Variants in IPCEF1 observed in about 807,000 individuals in gnomAD.
IPCEF1 encodes the protein interaction protein for cytohesin exchange factors 1, also known as interactor protein for cytohesin exchange factors 1.
IPCEF1 carries 31 observed loss-of-function variants against 50.9 expected under a neutral mutation model. That is an observed-to-expected ratio of 0.61 (90% CI 0.46 to 0.82). The LOEUF (loss-of-function observed/expected upper bound fraction) is 0.82. Among genes scored for constraint, IPCEF1 ranks in the 40% least tolerant of loss-of-function variants. The pLI is 0.00. For missense variants in IPCEF1, 458 were observed against 514.0 expected, an observed-to-expected ratio of 0.89 and a Z score of 1.05; for synonymous variants, 181 against 192.0, an observed-to-expected ratio of 0.94 and a Z score of 0.47.
At chr6:154,264,475 T>C (rs937497406) in intron 3 of IPCEF1, among the ~76,000 whole-genome samples, 1 of 152,088 alleles carries the variant, frequency 6.6e-6, no homozygotes, top group Non-Finnish European at 1.5e-5. Context: ...CAGATTCAAG[T>C]GATCCTTTCG....
At chr6:154,287,600 G>A (rs921243654) in intron 2 of IPCEF1, among the ~76,000 whole-genome samples, 1 of 152,140 alleles carries the variant, frequency 6.6e-6, no homozygotes, top group African/African-American at 2.4e-5. Context: ...CCAGCCCTCT[G>A]AGCTCAGAGC....
chr6:154,331,247 G>A (rs9384204), intron 1 of IPCEF1, among the ~76,000 whole-genome samples: 45,958 of 151,198 alleles, frequency 0.3, 8,073 homozygotes, highest in East Asian at 0.64. Flanking sequence ...CAGCTGGGGC[G>A]ATAGAGTGAG....
intron 1 of IPCEF1, among the ~76,000 whole-genome samples, chr6:154,293,647 A>T (rs1420992709): frequency 6.6e-6 from 1 of 152,222 alleles, no homozygotes; most frequent in East Asian, 1.9e-4. Flanking sequence ...CCCGGAGAAA[A>T]AAATGAACTA....
chr6:154,182,026 C>A (rs1211788113), intron 10 of IPCEF1, among the ~76,000 whole-genome samples: 1 of 152,014 alleles, frequency 6.6e-6, no homozygotes, highest in Non-Finnish European at 1.5e-5. Flanking sequence ...CACATCTGCG[C>A]ATGTATCCCA....
intron 1 of IPCEF1, among the ~76,000 whole-genome samples, chr6:154,354,728 A>C (rs190671601): frequency 2.3e-3 from 349 of 152,128 alleles, no homozygotes; most frequent in South Asian, 4.4e-3. Flanking sequence ...CCCGTTCTAC[A>C]CACCCTTTCT....
In IPCEF1 at chr6:154,199,738, A is replaced by G. The variant is rs1776917474; in HGVS notation, c.840T>C (p.Ser280=). Residue 280 remains serine (S), a synonymous_variant, in exon 10 of 12, where the codon TCT becomes TCC. Coordinates refer to ENST00000367220, the MANE Select transcript of IPCEF1 (RefSeq NM_001130700.2). ...FLNSLSSDDT[S]SLSSNHDHLT... ...GATGGTCATGATTGCTACTCAATGA[A>G]GAAGTATCATCACTAGATAAAGAGT... The G allele has an allele frequency of 6.2e-7, 1 of 1,614,076 alleles. No homozygotes were observed. Among genetic ancestry groups the G allele is most frequent in the Non-Finnish European group, 8.5e-7 (1 of 1,179,992 alleles).
chr6:154,226,733 G>T (rs1404899345), intron 5 of IPCEF1, among the ~76,000 whole-genome samples: 9 of 152,096 alleles, frequency 5.9e-5, no homozygotes, highest in African/African-American at 1.9e-4. Context: ...TCATGGCACT[G>T]TTCTGATTAA....
At chr6:154,280,065 G>A (rs777178083) in intron 2 of IPCEF1, among the ~76,000 whole-genome samples, 40 of 152,196 alleles carry the variant, frequency 2.6e-4, no homozygotes, top group Non-Finnish European at 1.9e-4. Flanking sequence ...CCAAGCGTTG[G>A]CAAGATTGTA....
At chr6:154,328,756 A>G (rs1783584759) in intron 1 of IPCEF1, among the ~76,000 whole-genome samples, 1 of 152,160 alleles carries the variant, frequency 6.6e-6, no homozygotes, top group African/African-American at 2.4e-5. Context: ...TCTAAAATGT[A>G]AGAGCTCAGA....
intron 2 of IPCEF1, among the ~76,000 whole-genome samples, chr6:154,288,801 C>T (rs572810705): frequency 2.0e-5 from 3 of 149,826 alleles, no homozygotes; most frequent in East Asian, 1.9e-4. Context: ...CAATGGCTCA[C>T]GCCTATAATC....
chr6:154,237,104 G>A (rs943306033), intron 5 of IPCEF1, among the ~76,000 whole-genome samples: 16 of 152,178 alleles, frequency 1.1e-4, no homozygotes, highest in African/African-American at 3.9e-4. Context: ...TGTAGAAGAA[G>A]CAGCTGGAAC....
At chr6:154,167,711 T>TA (rs556312716) in intron 11 of IPCEF1, among the ~76,000 whole-genome samples, 180 of 152,298 alleles carry the variant, frequency 1.2e-3, no homozygotes, top group Non-Finnish European at 5.7e-4. Context: ...CAAGGCCTAT[T>TA]GTGAAAAACT....
rs34710266 is a variant in IPCEF1 at position 154,245,287 on chromosome 6, G to GA, written c.246+1303dup. Among the ~76,000 whole-genome samples, 267 of 108,404 alleles carry GA rather than the reference G, an allele frequency of 2.5e-3. 2 individuals carry two copies. Among genetic ancestry groups the GA allele is most frequent in the African/African-American group, 8.5e-3 (245 of 28,664 alleles). The allele number at this position is 108,404 out of a possible 152,430, so 71.1% of individuals were successfully genotyped here. On this transcript the variant is annotated intron_variant, in intron 5 of 11. Transcript: ENST00000367220. ...GTTGTTATAACTCACCAAATGCTTG[G>GA]AAAAAAAAAATGTATTTTTATGGAA...
At chr6:154,315,005 C>T (rs552737628) in intron 1 of IPCEF1, among the ~76,000 whole-genome samples, 10 of 152,144 alleles carry the variant, frequency 6.6e-5, no homozygotes, top group African/African-American at 1.7e-4. Flanking sequence ...CTTAGCCTCC[C>T]GAGTAGCTGA....
At chr6:154,250,354 T>C (rs1256469343) in intron 3 of IPCEF1, among the ~76,000 whole-genome samples, 1 of 152,184 alleles carries the variant, frequency 6.6e-6, no homozygotes, top group Non-Finnish European at 1.5e-5. Flanking sequence ...CAGAGCCTAG[T>C]AAGATATTTT....
intron 1 of IPCEF1, among the ~76,000 whole-genome samples, chr6:154,309,353 C>T (rs761149874): frequency 2.0e-5 from 3 of 152,196 alleles, no homozygotes; most frequent in Non-Finnish European, 4.4e-5. Flanking sequence ...CTAATGCCAG[C>T]ACACTACCTG....
chr6:154,301,196 A>G (rs1782786541), intron 1 of IPCEF1, among the ~76,000 whole-genome samples: 2 of 152,200 alleles, frequency 1.3e-5, no homozygotes, highest in African/African-American at 2.4e-5. Flanking sequence ...GTCGTAGTCT[A>G]TGGTCTACAT....
At chr6:154,333,406 G>A (rs561943203) in intron 1 of IPCEF1, among the ~76,000 whole-genome samples, 10 of 152,088 alleles carry the variant, frequency 6.6e-5, no homozygotes, top group Non-Finnish European at 1.5e-4. Context: ...TTTCTCCTAT[G>A]CTGGATGCTT....
At chr6:154,244,873 G>A (rs963538035) in intron 5 of IPCEF1, among the ~76,000 whole-genome samples, 6 of 152,108 alleles carry the variant, frequency 3.9e-5, no homozygotes, top group African/African-American at 7.2e-5. Flanking sequence ...CTCCATCAGC[G>A]TCCAATCTTT....
Sources: gnomAD v4.1 joint callset for allele counts (sites outside exome capture counted in the v4.1 genomes callset) on GRCh38, gnomAD v4.1.1 for gene constraint, MANE v1.5 for transcripts, NCBI Gene and HGNC (gene_info 2026-07-23, HGNC 2026-07-21) for gene names.